Variants in AKAP13 observed in about 807,000 individuals in gnomAD.
The protein encoded by AKAP13 is A-kinase anchor protein 13.
Under a neutral mutation model 264.5 loss-of-function variants are expected in AKAP13, and 80 were observed. The ratio of observed to expected loss-of-function variants is 0.30; its 90% confidence interval spans 0.25 to 0.36. AKAP13 has a LOEUF of 0.36. Ranked by LOEUF, AKAP13 falls within the 10% of genes least tolerant of loss-of-function variation. The probability of loss-of-function intolerance (pLI) is 1.00; values close to 1 mark genes in which losing one functional copy is unlikely to be tolerated. For synonymous variants in AKAP13, 1,380 were observed against 1,250.2 expected, an observed-to-expected ratio of 1.10 and a Z score of -2.19; for missense variants, 3,712 against 3,435.2, an observed-to-expected ratio of 1.08 and a Z score of -2.01.
intron 1 of AKAP13, among the ~76,000 whole-genome samples, chr15:85,465,289 GT>G (rs760505254): frequency 6.6e-6 from 1 of 151,928 alleles, no homozygotes; most frequent in Non-Finnish European, 1.5e-5. Flanking sequence ...GTATATATCT[GT>G]TCTTTAGTAG....
chr15:85,712,475 T>A (rs1400702230), intron 19 of AKAP13, among the ~76,000 whole-genome samples: 1 of 152,214 alleles, frequency 6.6e-6, no homozygotes, highest in African/African-American at 2.4e-5. Context: ...CTTATTTTCA[T>A]GTCTTTCTTA....
chr15:85,736,421 T>TTTG (rs113137306), intron 33 of AKAP13, among the ~76,000 whole-genome samples: 58 of 143,578 alleles, frequency 4.0e-4, no homozygotes, highest in African/African-American at 1.3e-3. Context: ...CTTGCTGTTT[T>TTTG]TTTGTTTGTT....
rs144980352 is a variant in AKAP13, at chr15:85,687,107, G to A, written c.5289+2234G>A. 6.2e-3 allele frequency among the ~76,000 whole-genome samples: 943 copies of A among 152,110 alleles called. 10 individuals are homozygous for A. Among genetic ancestry groups the A allele is most frequent in the African/African-American group, 0.021 (884 of 41,486 alleles). On this transcript the variant is annotated intron_variant, in intron 16 of 36. Transcript: ENST00000394518. ...TACACATGATAGGAAAAAAAACAAC[G>A]TAAGATGGAATTTAGAAACTGGACC...
chr15:85,660,167 A>T (rs1327428253), intron 12 of AKAP13, among the ~76,000 whole-genome samples: 1 of 152,038 alleles, frequency 6.6e-6, no homozygotes, highest in Admixed American at 6.6e-5. Flanking sequence ...TGCCTGGGAA[A>T]CATGGTGAAA....
intron 8 of AKAP13, among the ~76,000 whole-genome samples, chr15:85,618,619 T>C (rs922191702): frequency 6.6e-6 from 1 of 151,922 alleles, no homozygotes; most frequent in African/African-American, 2.4e-5. Context: ...GAATGTTAGA[T>C]AGAGTGGGGG....
Position 85,512,888 on chromosome 15 carries a change from G to A in AKAP13, c.34-8540G>A, listed in dbSNP as rs143645999. On this transcript the variant is annotated intron_variant, in intron 2 of 36. Coordinates refer to ENST00000394518, the MANE Select transcript of AKAP13 (RefSeq NM_007200.5). ...ATGTATGTTTTTGAGGTGGAGTCTC[G>A]CTCTGTAGCCCAGGCTGGAGTGCAG... 2.0e-4 allele frequency among the ~76,000 whole-genome samples: 30 copies of A among 151,926 alleles called. 1 individual carries two copies. The highest frequency in any genetic ancestry group is 6.8e-4 in the African/African-American group (28 of 41,408).
chr15:85,406,517 A>AT (rs1208710712), intron 1 of AKAP13, among the ~76,000 whole-genome samples: 2 of 148,908 alleles, frequency 1.3e-5, no homozygotes, highest in East Asian at 2.0e-4. Flanking sequence ...GCAAGCATTT[A>AT]TTTTTTGTCT....
chr15:85,461,493 A>T (rs1487421257), intron 1 of AKAP13, among the ~76,000 whole-genome samples: 1 of 152,220 alleles, frequency 6.6e-6, no homozygotes. Flanking sequence ...TGAATGTGTG[A>T]ATTAACTAAT....
chr15:85,570,063 G>A lies in AKAP13; in HGVS notation c.663-5068G>A, dbSNP rs535255466. Among the ~76,000 whole-genome samples the A allele has an allele frequency of 1.3e-4, 16 of 119,372 alleles. No individual in the cohort carries two copies. In the South Asian group the frequency reaches 3.4e-3, roughly 25 times the overall value. The allele number at this position is 119,372 out of a possible 152,430, so 78.3% of individuals were successfully genotyped here. A position where few individuals can be genotyped will look rare whatever the true frequency, so the allele number is the denominator to read the frequency against. On this transcript the variant is annotated intron_variant, in intron 5 of 36. Transcript: ENST00000394518. ...CTGCACTCCAGCTGGGCGACAGAGC[G>A]AGACTCCGTCTCAAAAAAAAAAAAA...
At chr15:85,424,498 C>G (rs975035310) in intron 1 of AKAP13, among the ~76,000 whole-genome samples, 2 of 152,210 alleles carry the variant, frequency 1.3e-5, no homozygotes, top group Non-Finnish European at 2.9e-5. Flanking sequence ...GGGCCTTACT[C>G]TGGATTGGCC....
rs777133396 is a variant in AKAP13 at position 85,708,048 on chromosome 15, C to A, written c.5494C>A (p.Arg1832=). The A allele has an allele frequency of 6.2e-6, 10 of 1,613,592 alleles. No homozygotes were observed. In the African/African-American group the frequency reaches 1.3e-4, roughly 22 times the overall value. ...CAGTGCTTTTGTCCACAAAGGCTGC[C>A]GAGAAAGTCTAGCCTCCTGTGCAAA... ...NCSAFVHKGC[R]ESLASCAKVK... The change falls in exon 18 of 37, where the codon CGA becomes AGA. Residue 1832 remains arginine (R), a synonymous_variant. Coordinates refer to ENST00000394518, the MANE Select transcript of AKAP13 (RefSeq NM_007200.5). This position sits in a 1 kb window ranked among gnomAD's most constrained non-coding sequence, Gnocchi z 4.3.
chr15:85,606,290 AG>A (rs1351433805), intron 8 of AKAP13, among the ~76,000 whole-genome samples: 2 of 151,462 alleles, frequency 1.3e-5, no homozygotes, highest in Non-Finnish European at 3.0e-5. Context: ...TTAGTAGAGA[AG>A]GGGTTTCACC....
chr15:85,450,242 T>G (rs1214039536), intron 1 of AKAP13, among the ~76,000 whole-genome samples: 1 of 152,158 alleles, frequency 6.6e-6, no homozygotes, highest in Non-Finnish European at 1.5e-5. Context: ...TTGTTTTTAT[T>G]TCTATGGAGT....
Position 85,718,793 on chromosome 15 carries a change from G to A in AKAP13, c.6002-283G>A, listed in dbSNP as rs987409962. On this transcript the variant is annotated intron_variant, in intron 22 of 36. Transcript: ENST00000394518. The surrounding 1 kb of genome is among the most constrained non-coding windows in gnomAD (Gnocchi z 4.9). ...CATGTACCTGCAGCCCCAGCTGCTC[G>A]AGAGGCTAAAGCAGAAAGATCGCTT... is the stretch of plus-strand genomic sequence containing the variant. 8 of 361,646 alleles carry A rather than the reference G, an allele frequency of 2.2e-5. No individual in the cohort carries two copies. Among genetic ancestry groups the A allele is most frequent in the Non-Finnish European group, 4.1e-5 (8 of 193,422 alleles). The allele number at this position is 361,646 out of a possible 1,614,324, so 22.4% of individuals were successfully genotyped here.
intron 20 of AKAP13, chr15:85,717,036 C>A: frequency 2.5e-6 from 1 of 405,724 alleles, no homozygotes. Context: ...GAAAGTTCCC[C>A]TTGCTTCTTA....
At chr15:85,531,952 C>T (rs1484695109) in intron 3 of AKAP13, among the ~76,000 whole-genome samples, 1 of 152,216 alleles carries the variant, frequency 6.6e-6, no homozygotes. Flanking sequence ...TGATACAAAA[C>T]CCTTGCATCC....
chr15:85,665,681 C>T (rs1263012470), intron 13 of AKAP13, among the ~76,000 whole-genome samples: 5 of 152,154 alleles, frequency 3.3e-5, no homozygotes, highest in African/African-American at 1.2e-4. Context: ...CTCCCCCAGC[C>T]CCCTACCACA....
intron 8 of AKAP13, among the ~76,000 whole-genome samples, chr15:85,623,153 C>G (rs1308078891): frequency 1.3e-5 from 2 of 152,100 alleles, no homozygotes; most frequent in East Asian, 1.9e-4. Flanking sequence ...ATTCTCAAGC[C>G]GTCATGTGCA....
intron 29 of AKAP13, among the ~76,000 whole-genome samples, chr15:85,728,044 G>A (rs745930056): frequency 2.0e-5 from 3 of 152,136 alleles, no homozygotes; most frequent in Non-Finnish European, 2.9e-5. Context: ...AGACAGTCGA[G>A]GCCCACAGAG....
Sources: gnomAD v4.1 joint callset for allele counts (sites outside exome capture counted in the v4.1 genomes callset) on GRCh38, gnomAD v4.1.1 for gene constraint, Gnocchi (gnomAD v3.1) non-coding constraint, MANE v1.5 for transcripts, NCBI Gene and HGNC (gene_info 2026-07-23, HGNC 2026-07-21) for gene names.